Variants in IMMP2L observed in about 807,000 individuals in gnomAD.
IMMP2L encodes inner mitochondrial membrane peptidase subunit 2.
IMMP2L carries 18 observed loss-of-function variants against 19.3 expected under a neutral mutation model. That is an observed-to-expected ratio of 0.93 (90% CI 0.64 to 1.38). The LOEUF is 1.38. Ranked by LOEUF, IMMP2L falls within the 40% of genes most tolerant of loss-of-function variation. IMMP2L has a pLI of 0.00. For synonymous variants in IMMP2L, 76 were observed against 73.0 expected (o/e 1.04, Z -0.21); for missense variants, 233 against 218.2 (o/e 1.07, Z -0.43).
At chr7:111,321,220 A>C (rs953297203) in intron 3 of IMMP2L, among the ~76,000 whole-genome samples, 1 of 152,016 alleles carries the variant, frequency 6.6e-6, no homozygotes, top group Non-Finnish European at 1.5e-5. Flanking sequence ...CTACGATAAT[A>C]CCAAAAAAGC....
At chr7:111,532,832 T>C (rs920099923) in intron 1 of IMMP2L, among the ~76,000 whole-genome samples, 1 of 152,112 alleles carries the variant, frequency 6.6e-6, no homozygotes, top group Admixed American at 6.5e-5. Flanking sequence ...CCACAGCCCA[T>C]GTATGGCAGC....
chr7:111,470,556 A>C (rs1375729466), intron 3 of IMMP2L, among the ~76,000 whole-genome samples: 1 of 151,862 alleles, frequency 6.6e-6, no homozygotes, highest in Non-Finnish European at 1.5e-5. Flanking sequence ...AAAAATGATG[A>C]GTTCATGTCC....
chr7:111,296,455 C>T (rs1419603475), intron 3 of IMMP2L, among the ~76,000 whole-genome samples: 2 of 151,360 alleles, frequency 1.3e-5, no homozygotes, highest in Admixed American at 1.3e-4. Context: ...ATTAGGAAAT[C>T]GAAATTAAAA....
At chr7:111,195,289 G>A (rs1809345837) in intron 3 of IMMP2L, among the ~76,000 whole-genome samples, 1 of 152,080 alleles carries the variant, frequency 6.6e-6, no homozygotes, top group Non-Finnish European at 1.5e-5. Context: ...AAGATTAGAT[G>A]AGAGGCTAGA....
intron 5 of IMMP2L, among the ~76,000 whole-genome samples, chr7:110,736,034 C>G (rs972776332): frequency 6.6e-6 from 1 of 152,034 alleles, no homozygotes; most frequent in African/African-American, 2.4e-5. Flanking sequence ...CTTCCCAGCA[C>G]CACCTCAAGT....
At chr7:111,227,517 G>C (rs1813233676) in intron 3 of IMMP2L, among the ~76,000 whole-genome samples, 1 of 152,038 alleles carries the variant, frequency 6.6e-6, no homozygotes, top group Non-Finnish European at 1.5e-5. Context: ...TATGAAACCA[G>C]ATCTATCTAA....
At chr7:111,534,014 TG>T (rs1174905846) in intron 1 of IMMP2L, among the ~76,000 whole-genome samples, 1 of 151,876 alleles carries the variant, frequency 6.6e-6, no homozygotes, top group Middle Eastern at 3.2e-3. Flanking sequence ...AAACAAAATA[TG>T]GACAGTATAT....
chr7:111,115,496 CTG>C (rs1019757965), intron 3 of IMMP2L, among the ~76,000 whole-genome samples: 3 of 151,838 alleles, frequency 2.0e-5, no homozygotes, highest in African/African-American at 7.3e-5. Flanking sequence ...TGAAATGTGC[CTG>C]TGATTAAGAT....
chr7:110,672,609 G>A (rs572983147), intron 5 of IMMP2L, among the ~76,000 whole-genome samples: 5 of 152,194 alleles, frequency 3.3e-5, no homozygotes, highest in Non-Finnish European at 5.9e-5. Flanking sequence ...AGTTAGTTAC[G>A]TCCTAGATGC....
chr7:111,256,373 T>C (rs1816698048), intron 3 of IMMP2L, among the ~76,000 whole-genome samples: 1 of 152,092 alleles, frequency 6.6e-6, no homozygotes, highest in Non-Finnish European at 1.5e-5. Context: ...AATGTTTAAA[T>C]CTAACATTAT....
At chr7:111,385,894 A>G (rs1831695805) in intron 3 of IMMP2L, among the ~76,000 whole-genome samples, 1 of 151,966 alleles carries the variant, frequency 6.6e-6, no homozygotes, top group South Asian at 2.1e-4. Context: ...TGAAGGAATA[A>G]ACTCAACCTA....
At chr7:110,921,696 A>G (rs1814305652) in intron 4 of IMMP2L, among the ~76,000 whole-genome samples, 1 of 152,162 alleles carries the variant, frequency 6.6e-6, no homozygotes, top group Admixed American at 6.6e-5. Context: ...GTTTTCATCT[A>G]TTCAGTAATG....
intron 3 of IMMP2L, among the ~76,000 whole-genome samples, chr7:111,057,606 T>C (rs905985799): frequency 1.3e-5 from 2 of 152,202 alleles, no homozygotes; most frequent in South Asian, 4.1e-4. Context: ...TGGGAACCTA[T>C]GTTAAAACTG....
intron 5 of IMMP2L, among the ~76,000 whole-genome samples, chr7:110,753,691 G>C (rs1161094272): frequency 6.6e-6 from 1 of 151,796 alleles, no homozygotes; most frequent in Non-Finnish European, 1.5e-5. Flanking sequence ...AAGAAAAGCA[G>C]CCAAAGAGAA....
At chr7:111,388,981 C>A (rs1832070384) in intron 3 of IMMP2L, among the ~76,000 whole-genome samples, 1 of 152,024 alleles carries the variant, frequency 6.6e-6, no homozygotes, top group Admixed American at 6.6e-5. Context: ...AGCAAAGACA[C>A]CTCAGTAGTA....
At chr7:110,961,819 A>G (rs986966269) in intron 4 of IMMP2L, among the ~76,000 whole-genome samples, 2 of 151,952 alleles carry the variant, frequency 1.3e-5, no homozygotes, top group African/African-American at 4.8e-5. Context: ...ATCAAAGACT[A>G]TATATTGTAT....
At chr7:111,405,959 T>C (rs1051930834) in intron 3 of IMMP2L, among the ~76,000 whole-genome samples, 6 of 152,146 alleles carry the variant, frequency 3.9e-5, no homozygotes. Flanking sequence ...TCTGATCCTT[T>C]ACAGAAGAAA....
intron 3 of IMMP2L, among the ~76,000 whole-genome samples, chr7:111,325,978 T>C (rs751858819): frequency 5.2e-4 from 79 of 151,842 alleles, no homozygotes; most frequent in Non-Finnish European, 3.2e-4. Flanking sequence ...GTGAGCAACA[T>C]TGCTATTTAT....
intron 3 of IMMP2L, among the ~76,000 whole-genome samples, chr7:111,315,548 T>C (rs1433747731): frequency 6.6e-6 from 1 of 152,120 alleles, no homozygotes; most frequent in African/African-American, 2.4e-5. Context: ...TGGACAATTA[T>C]CTGTGCACAC....
Sources: allele counts gnomAD v4.1 joint callset (sites outside exome capture counted in the v4.1 genomes callset), GRCh38; gene constraint gnomAD v4.1.1; transcripts MANE v1.5; gene names NCBI Gene and HGNC (gene_info 2026-07-23, HGNC 2026-07-21).